The following CA10 variants were observed in gnomAD, a reference collection of about 807,000 sequenced individuals.
CA10 encodes carbonic anhydrase-related protein 10.
Under a neutral mutation model 44.2 loss-of-function variants are expected in CA10, and 14 were observed. The observed-to-expected ratio is 0.32, with a 90% confidence interval of 0.21 to 0.50. The LOEUF is 0.50. Ranked by LOEUF, CA10 falls within the 20% of genes least tolerant of loss-of-function variation. The probability of loss-of-function intolerance (pLI) is 0.99; values close to 1 mark genes in which losing one functional copy is unlikely to be tolerated. For synonymous variants in CA10, 159 were observed against 141.6 expected (o/e 1.12, Z -0.87); for missense variants, 350 against 409.7 (o/e 0.85, Z 1.26).
chr17:51,831,383 A>G (rs1567854316), intron 3 of CA10, among the ~76,000 whole-genome samples: 1 of 152,196 alleles, frequency 6.6e-6, no homozygotes. Flanking sequence ...GTTGTTTGCA[A>G]TTCAGATTCT....
intron 3 of CA10, among the ~76,000 whole-genome samples, chr17:51,800,713 T>A (rs2143716696): frequency 6.6e-6 from 1 of 152,344 alleles, no homozygotes; most frequent in South Asian, 2.1e-4. Flanking sequence ...ATTTTGAAGA[T>A]GTTAAAATAT....
intron 3 of CA10, among the ~76,000 whole-genome samples, chr17:51,786,221 T>G (rs1906274576): frequency 6.6e-6 from 1 of 151,510 alleles, no homozygotes; most frequent in African/African-American, 2.4e-5. Context: ...TGTCTGTGTG[T>G]GTGTGTGTGT....
At chr17:52,159,773 G>T (rs1235907261), upstream of CA10, 1 of 152,232 alleles carries the variant, frequency 6.6e-6, no homozygotes, top group Non-Finnish European at 1.5e-5. Flanking sequence ...ACTTGCACCC[G>T]GTTGCAGTGT....
chr17:51,660,789 C>T (rs2143310486), intron 4 of CA10, among the ~76,000 whole-genome samples: 1 of 152,298 alleles, frequency 6.6e-6, no homozygotes, highest in South Asian at 2.1e-4. Context: ...TAAAGATGCA[C>T]ATCTGGGGCC....
chr17:52,105,259 GT>G (rs34246422), intron 1 of CA10, among the ~76,000 whole-genome samples: 19,814 of 147,582 alleles, frequency 0.13, 1,419 homozygotes, highest in East Asian at 0.39. Context: ...ATGTTTTTTT[GT>G]TTTTTTTTTT....
chr17:51,811,399 C>T (rs960402780), intron 3 of CA10, among the ~76,000 whole-genome samples: 1 of 152,102 alleles, frequency 6.6e-6, no homozygotes, highest in African/African-American at 2.4e-5. Context: ...ATCAACTCAT[C>T]ATTTACATTA....
At chr17:51,688,690 A>G (rs1206083262) in intron 4 of CA10, among the ~76,000 whole-genome samples, 24 of 152,106 alleles carry the variant, frequency 1.6e-4, no homozygotes, top group Admixed American at 1.2e-3. Flanking sequence ...CCCTTTCCCC[A>G]TCTGCCTGCA....
chr17:52,113,219 G>A (rs572599641), intron 1 of CA10, among the ~76,000 whole-genome samples: 22 of 152,308 alleles, frequency 1.4e-4, no homozygotes, highest in South Asian at 1.2e-3. Context: ...TGAACAGAGG[G>A]CCCAGCCTCT....
In CA10 at chr17:51,961,180, TACACACAAACACACAC is replaced by T. The variant is rs1173023703; in HGVS notation, c.137-30064_137-30049del. ...CCTGCCCCTACTCTCTCTCTGTATG[TACACACAAACACACAC>T]ACACACACACACACACACACACACA... On this transcript the variant is annotated intron_variant, in intron 2 of 8. Transcript: ENST00000451037. Among the ~76,000 whole-genome samples the T allele has an allele frequency of 3.7e-5, 4 of 107,180 alleles. No individual in the cohort carries two copies. The East Asian group carries it at 1.2e-3, about 32-fold the overall frequency. 70.3% of individuals were successfully genotyped at this position (107,180 alleles called of 152,430 possible).
intron 4 of CA10, among the ~76,000 whole-genome samples, chr17:51,669,838 G>A (rs866662788): frequency 1.8e-4 from 28 of 152,162 alleles, no homozygotes; most frequent in African/African-American, 4.6e-4. Flanking sequence ...CCAAGAACCC[G>A]CCAATTTTGG....
At chr17:51,918,678 G>A (rs1202549089) in intron 3 of CA10, among the ~76,000 whole-genome samples, 2 of 152,134 alleles carry the variant, frequency 1.3e-5, no homozygotes, top group African/African-American at 4.8e-5. Flanking sequence ...CAGAACATCA[G>A]GTGGGCAAAG....
At chr17:52,137,592 C>T (rs1989388069) in intron 1 of CA10, among the ~76,000 whole-genome samples, 1 of 152,182 alleles carries the variant, frequency 6.6e-6, no homozygotes, top group Admixed American at 6.5e-5. Flanking sequence ...TTGAGTCTTA[C>T]TCTCTTATTC....
At chr17:51,703,156 C>G (rs1915654505) in intron 4 of CA10, among the ~76,000 whole-genome samples, 1 of 152,102 alleles carries the variant, frequency 6.6e-6, no homozygotes, top group South Asian at 2.1e-4. Context: ...TAGTTTCATG[C>G]TCGGAGGGCA....
chr17:52,080,787 C>T (rs1243475693), intron 1 of CA10, among the ~76,000 whole-genome samples: 1 of 152,128 alleles, frequency 6.6e-6, no homozygotes. Context: ...ATTCTCAAAG[C>T]CTCTCCAATT....
At chr17:51,922,003 A>C (rs1218812518) in intron 3 of CA10, among the ~76,000 whole-genome samples, 1 of 152,170 alleles carries the variant, frequency 6.6e-6, no homozygotes, top group African/African-American at 2.4e-5. Flanking sequence ...AGTTTCTCTG[A>C]CAAAGAAATT....
chr17:51,667,022 T>G (rs747735815), intron 4 of CA10, among the ~76,000 whole-genome samples: 30 of 152,144 alleles, frequency 2.0e-4, no homozygotes, highest in Non-Finnish European at 3.2e-4. Context: ...TGTGGAAAAG[T>G]ATAAAAGCAA....
intron 6 of CA10, among the ~76,000 whole-genome samples, chr17:51,643,604 C>T (rs899425486): frequency 6.6e-6 from 1 of 152,128 alleles, no homozygotes; most frequent in African/African-American, 2.4e-5. Flanking sequence ...GTAGTAGAAT[C>T]TCATTAAATC....
intron 2 of CA10, among the ~76,000 whole-genome samples, chr17:51,937,087 C>T (rs949156482): frequency 2.6e-5 from 4 of 152,116 alleles, no homozygotes; most frequent in Admixed American, 6.5e-5. Context: ...ACTAAGTCCC[C>T]TACTTTTTGG....
At chr17:51,904,212 CTCT>C (rs1981442967) in intron 3 of CA10, among the ~76,000 whole-genome samples, 1 of 147,810 alleles carries the variant, frequency 6.8e-6, no homozygotes, top group Admixed American at 6.7e-5. Flanking sequence ...AAAAAAAAAA[CTCT>C]TATTATATTC....
Sources: gnomAD v4.1 joint callset for allele counts (sites outside exome capture counted in the v4.1 genomes callset) on GRCh38, gnomAD v4.1.1 for gene constraint, MANE v1.5 for transcripts, NCBI Gene and HGNC (gene_info 2026-07-23, HGNC 2026-07-21) for gene names.